Variants in SLC4A9 observed in about 807,000 individuals in gnomAD.
The protein encoded by SLC4A9 is anion exchange protein 4.
A neutral mutation model predicts 103.2 loss-of-function variants in SLC4A9; 102 were observed. The observed-to-expected ratio is 0.99, with a 90% CI of 0.84 to 1.17. The LOEUF (loss-of-function observed/expected upper bound fraction) is 1.17, where lower values mean the gene tolerates loss of function less well. Ranked by LOEUF, SLC4A9 falls within the 50% of genes most tolerant of loss-of-function variation. SLC4A9 has a pLI of 0.00. For synonymous variants in SLC4A9, 453 were observed against 483.6 expected (o/e 0.94, Z 0.83); for missense variants, 1,091 against 1,193.7 (o/e 0.91, Z 1.27).
At position 140,372,739 on chromosome 5, in the gene SLC4A9, C is replaced by G; in HGVS notation, c.2827-6C>G. 6.4e-7 allele frequency: 1 copy of G among 1,572,778 alleles called. No homozygotes were observed. Among genetic ancestry groups the G allele is most frequent in the African/African-American group, 1.4e-5 (1 of 73,980 alleles). ...CTCAATCCATCTTGGGATCTGTCTT[C>G]CACAGTCAGAGCTGATGTATCAGCC... On this transcript the variant is annotated splice_region_variant and splice_polypyrimidine_tract_variant and intron_variant, in intron 20 of 21. Coordinates refer to ENST00000506757, the MANE Select transcript of SLC4A9 (RefSeq NM_031467.3).
intron 17 of SLC4A9, among the ~76,000 whole-genome samples, chr5:140,369,100 A>G (rs1029470915): frequency 6.6e-6 from 1 of 151,974 alleles, no homozygotes; most frequent in African/African-American, 2.4e-5. Context: ...AGGTGGGAGG[A>G]TCACTTGAGC....
At position 140,372,862 on chromosome 5, in the gene SLC4A9, T is replaced by A; in HGVS notation, c.*45+19T>A. Reference sequence around the variant, plus strand: ...GCATGAGGTGAGGGTGTGAGGGAAGTGCTCCTGATGTTGAGGATGGGAGGT... The same window carrying A: ...GCATGAGGTGAGGGTGTGAGGGAAGAGCTCCTGATGTTGAGGATGGGAGGT... On this transcript the variant is annotated intron_variant, in intron 21 of 21. Transcript: ENST00000506757. 6.4e-6 allele frequency: 9 copies of A among 1,410,956 alleles called. No individual in the cohort carries two copies. The highest frequency in any genetic ancestry group is 8.6e-6 in the Non-Finnish European group (9 of 1,045,664). The allele number at this position is 1,410,956 out of a possible 1,614,324, so 87.4% of individuals were successfully genotyped here.
intron 17 of SLC4A9, among the ~76,000 whole-genome samples, chr5:140,370,140 A>C (rs987236959): frequency 2.6e-5 from 4 of 152,168 alleles, no homozygotes; most frequent in Non-Finnish European, 4.4e-5. Flanking sequence ...CTAACCTTAC[A>C]ACCTGGTGAG....
intron 15 of SLC4A9, 35 bp downstream of exon 15, chr5:140,367,616 A>T (rs1168009786): frequency 6.3e-7 from 1 of 1,599,436 alleles, no homozygotes; most frequent in South Asian, 1.1e-5. Context: ...AGACCAAGGG[A>T]CAGAAGCTCC....
chr5:140,362,003 G>A lies in SLC4A9; in HGVS notation c.562-14G>A. On this transcript the variant is annotated splice_polypyrimidine_tract_variant and intron_variant, in intron 4 of 21. Transcript: ENST00000506757. ...AACCTTTCATATTCTGTGTCTCCTT[G>A]AACCCCCATCCAGTGTCAGAACCCC... The A allele has an allele frequency of 1.2e-6, 2 of 1,613,666 alleles. No homozygotes were observed. Among genetic ancestry groups the A allele is most frequent in the South Asian group, 1.1e-5 (1 of 91,058 alleles).
At chr5:140,370,137 T>C (rs1768487595) in intron 17 of SLC4A9, among the ~76,000 whole-genome samples, 1 of 152,130 alleles carries the variant, frequency 6.6e-6, no homozygotes, top group Non-Finnish European at 1.5e-5. Flanking sequence ...TTTCTAACCT[T>C]ACAACCTGGT....
rs757663232 is a variant in SLC4A9, at chr5:140,360,225, TG to T, written c.-11del. 6.2e-7 allele frequency: 1 copy of T among 1,605,662 alleles called. No individual in the cohort carries two copies. Among genetic ancestry groups the T allele is most frequent in the African/African-American group, 1.3e-5 (1 of 74,706 alleles). ...TAGGACTGTACTGGTTCTGAGATTC[TG>T]TGCAAGCCTCATGGAAATGAAGCTG... On this transcript the variant is annotated 5_prime_UTR_variant, in exon 1 of 22. Coordinates refer to ENST00000506757, the MANE Select transcript of SLC4A9 (RefSeq NM_031467.3).
Position 140,360,890 on chromosome 5 carries a change from C to T in SLC4A9, c.309C>T (p.Pro103=). The part of the protein sequence containing the change: ...SAPHVPTLAL[P]SLQKLRSLLA... ...CCCACGTGCCCACCCTGGCACTGCCCAGCCTCCAGAAGCTCCGCAGCCTGC... is the reference window on the plus strand; with the variant it reads ...CCCACGTGCCCACCCTGGCACTGCCTAGCCTCCAGAAGCTCCGCAGCCTGC... Residue 103 remains proline (P), a synonymous_variant, in exon 2 of 22, where the codon CCC becomes CCT. Transcript: ENST00000506757. 1.2e-6 allele frequency: 2 copies of T among 1,610,494 alleles called. No individual in the cohort carries two copies. Among genetic ancestry groups the T allele is most frequent in the Non-Finnish European group, 1.7e-6 (2 of 1,178,838 alleles).
Position 140,363,639 on chromosome 5 carries a change from G to T in SLC4A9, c.1079+84G>T. ...GGAAACTGAGGTGTGTGCTCACTGT[G>T]GGAGGGGCTCACCCGGTCACAGGGA... On this transcript the variant is annotated intron_variant, in intron 8 of 21. Coordinates refer to ENST00000506757, the MANE Select transcript of SLC4A9 (RefSeq NM_031467.3). This position sits in a 1 kb window ranked among gnomAD's most constrained non-coding sequence, Gnocchi z 4.5. 6.3e-7 allele frequency: 1 copy of T among 1,579,114 alleles called. No homozygotes were observed. The highest frequency in any genetic ancestry group is 8.6e-7 in the Non-Finnish European group (1 of 1,160,540).
rs1768036911 is a variant in SLC4A9 at position 140,367,400 on chromosome 5, C to T, written c.2014-20C>T. On this transcript the variant is annotated intron_variant, in intron 14 of 21. Transcript: ENST00000506757. Reference sequence around the variant, plus strand: ...CTTGGGAGACCCACTCCAACCTGTCCATGAAATGCCCTCCTCCAGCCCACA... The same window carrying T: ...CTTGGGAGACCCACTCCAACCTGTCTATGAAATGCCCTCCTCCAGCCCACA... The T allele has an allele frequency of 3.1e-6, 5 of 1,608,856 alleles. No homozygotes were observed. The highest frequency in any genetic ancestry group is 3.4e-6 in the Non-Finnish European group (4 of 1,178,032).
intron 14 of SLC4A9, among the ~76,000 whole-genome samples, chr5:140,366,538 G>A (rs1384577337): frequency 6.6e-6 from 1 of 152,146 alleles, no homozygotes; most frequent in Non-Finnish European, 1.5e-5. Context: ...TTGAGTTCCA[G>A]TTCTTCCACT....
At chr5:140,371,678 C>T in intron 19 of SLC4A9, 54 bp downstream of exon 19, 1 of 1,589,374 alleles carries the variant, frequency 6.3e-7, no homozygotes, top group Non-Finnish European at 8.6e-7. Context: ...AGACTCTGAG[C>T]CTGGAAGGGT....
Position 140,362,443 on chromosome 5 carries a change from A to G in SLC4A9, c.720-2A>G. Reference sequence around the variant, plus strand: ...ATCTCTGGGGCCTGGTTCCTTCCTCAGGTTTTTCTGCCTTCTCCTGGGCCC... The same window carrying G: ...ATCTCTGGGGCCTGGTTCCTTCCTCGGGTTTTTCTGCCTTCTCCTGGGCCC... On this transcript the variant is annotated splice_acceptor_variant, in intron 5 of 21. Coordinates refer to ENST00000506757, the MANE Select transcript of SLC4A9 (RefSeq NM_031467.3). LOFTEE classifies it high-confidence loss of function. 1 of 1,613,890 alleles carries G rather than the reference A, an allele frequency of 6.2e-7. No individual in the cohort carries two copies. Among genetic ancestry groups the G allele is most frequent in the East Asian group, 2.2e-5 (1 of 44,882 alleles).
At chr5:140,365,800 C>G in intron 12 of SLC4A9, 34 bp from the exon 13 acceptor site, 2 of 1,597,780 alleles carry the variant, frequency 1.3e-6, no homozygotes, top group Non-Finnish European at 1.7e-6. Flanking sequence ...TACTCCATTG[C>G]CTATAACTCC....
chr5:140,365,408 A>T, intron 11 of SLC4A9, 112 bp from the exon 12 acceptor site: 1 of 818,398 alleles, frequency 1.2e-6, no homozygotes, highest in East Asian at 2.7e-5. Context: ...CAGACAGATG[A>T]GTCACAATTA....
chr5:140,367,286 A>G (rs1768018765), intron 14 of SLC4A9, 134 bp from the exon 15 acceptor site: 4 of 1,063,454 alleles, frequency 3.8e-6, no homozygotes, highest in South Asian at 1.5e-5. Flanking sequence ...TGAACCAGCT[A>G]TGCACACACA....
chr5:140,370,636 T>C (rs1451697956), intron 17 of SLC4A9, among the ~76,000 whole-genome samples: 1 of 152,094 alleles, frequency 6.6e-6, no homozygotes, highest in Non-Finnish European at 1.5e-5. Flanking sequence ...CAGGGTGTCA[T>C]GAGAGGAGGC....
chr5:140,364,576 GCCTGGGTCCTCT>G lies in SLC4A9; in HGVS notation c.1603_1614del (p.Pro535_Ser538del). ...TGACCCATACCTATCCTATCCAGAA[GCCTGGGTCCTCT>G]GCCTACGGGTGCCTCTGCCAATACC... On this transcript the variant is annotated inframe_deletion, in exon 11 of 22. Coordinates refer to ENST00000506757, the MANE Select transcript of SLC4A9 (RefSeq NM_031467.3). 6.2e-7 allele frequency: 1 copy of G among 1,603,300 alleles called. No homozygotes were observed. Among genetic ancestry groups the G allele is most frequent in the East Asian group, 2.2e-5 (1 of 44,512 alleles).
intron 19 of SLC4A9, 39 bp from the exon 20 acceptor site, chr5:140,372,203 T>C (rs749838237): frequency 6.7e-7 from 1 of 1,501,302 alleles, no homozygotes; most frequent in African/African-American, 1.4e-5. Context: ...TTCCTACTAC[T>C]GTTGCTGACA....
Sources: gnomAD v4.1 joint callset for allele counts (sites outside exome capture counted in the v4.1 genomes callset) on GRCh38, gnomAD v4.1.1 for gene constraint, Gnocchi (gnomAD v3.1) non-coding constraint, MANE v1.5 for transcripts, NCBI Gene and HGNC (gene_info 2026-07-23, HGNC 2026-07-21) for gene names.